The following LRRK2 variants were observed in gnomAD, a reference collection of about 807,000 sequenced individuals.
LRRK2 encodes leucine-rich repeat serine/threonine-protein kinase 2.
LRRK2 carries 203 observed loss-of-function variants against 302.6 expected under a neutral mutation model. The observed-to-expected ratio is 0.67, with a 90% CI of 0.60 to 0.75. LRRK2 has a LOEUF of 0.75. LRRK2 is among the 30% of genes least tolerant of loss of function. The probability of loss-of-function intolerance (pLI) is 0.00; values close to 1 mark genes in which losing one functional copy is unlikely to be tolerated. For synonymous variants in LRRK2, 1,066 were observed against 1,031.9 expected (o/e 1.03, Z -0.63); for missense variants, 2,830 against 2,951.0 (o/e 0.96, Z 0.95).
At chr12:40,312,696 T>C (rs1945074012) in intron 31 of LRRK2, 1 of 152,080 alleles carries the variant, frequency 6.6e-6, no homozygotes, top group Admixed American at 6.6e-5. Flanking sequence ...CTTTTAATCT[T>C]GTCCAGCCCA....
rs578189398 is a variant in LRRK2 at position 40,267,199 on chromosome 12, G to A, written c.1656+3298G>A. Among the ~76,000 whole-genome samples, 32 of 152,294 alleles carry A rather than the reference G, an allele frequency of 2.1e-4. No homozygotes were observed. In the South Asian group the frequency reaches 6.6e-3, roughly 32 times the overall value. On this transcript the variant is annotated intron_variant, in intron 14 of 50. Transcript: ENST00000298910. ...ACTGGAGATAGCTTTGCTTAAATGA[G>A]CTGGACTACAATGCAAATGCTGAAA...
chr12:40,283,755 T>C (rs1417329139), intron 18 of LRRK2, 120 bp from the exon 19 acceptor site: 1 of 827,472 alleles, frequency 1.2e-6, no homozygotes, highest in African/African-American at 1.7e-5. Flanking sequence ...TGCCTTATTT[T>C]ATTTTGTTTC....
At chr12:40,246,350 G>T (rs1277333054) in intron 7 of LRRK2, among the ~76,000 whole-genome samples, 2 of 151,696 alleles carry the variant, frequency 1.3e-5, no homozygotes, top group Non-Finnish European at 2.9e-5. Context: ...ATTTAACTTG[G>T]TCATTTATTA....
intron 35 of LRRK2, 22 bp downstream of exon 35, chr12:40,321,210 AT>A: frequency 6.2e-7 from 1 of 1,601,832 alleles, no homozygotes; most frequent in Non-Finnish European, 8.5e-7. Flanking sequence ...ATGAAGACTT[AT>A]TAGATTTTTA....
chr12:40,259,786 A>T (rs1942688256), intron 13 of LRRK2, among the ~76,000 whole-genome samples, 182 bp downstream of exon 13: 1 of 152,216 alleles, frequency 6.6e-6, no homozygotes, highest in African/African-American at 2.4e-5. Context: ...ATTAATTTTT[A>T]TAAGAAAGCA....
At chr12:40,346,155 A>G (rs796652070) in intron 41 of LRRK2, among the ~76,000 whole-genome samples, 6 of 151,942 alleles carry the variant, frequency 3.9e-5, no homozygotes, top group African/African-American at 1.2e-4. Flanking sequence ...TTCCCCTTAA[A>G]AGAATTTCAG....
Position 40,359,318 on chromosome 12 carries a change from T to C in LRRK2, c.6902T>C (p.Met2301Thr), listed in dbSNP as rs202177571. Residue 2301 changes from methionine to threonine, a missense_variant, in exon 47 of 51, where the codon ATG becomes ACG. By Grantham distance (81) the Met-to-Thr change is moderately conservative. Transcript: ENST00000298910. Reference protein sequence around the residue: ...LNIGNVSTPLMCLSESTNSTE... With the variant: ...LNIGNVSTPLTCLSESTNSTE... ...ATAGGAAATGTCAGTACTCCATTGATGTGTTTGAGTGAATCCACAAATTCA... is the reference window on the plus strand; with the variant it reads ...ATAGGAAATGTCAGTACTCCATTGACGTGTTTGAGTGAATCCACAAATTCA... 1.4e-5 allele frequency: 23 copies of C among 1,613,168 alleles called. No individual in the cohort carries two copies. Among genetic ancestry groups the C allele is most frequent in the South Asian group, 7.7e-5 (7 of 91,052 alleles).
At chr12:40,332,304 A>T (rs1009158227) in intron 39 of LRRK2, among the ~76,000 whole-genome samples, 11 of 152,154 alleles carry the variant, frequency 7.2e-5, no homozygotes, top group African/African-American at 2.7e-4. Context: ...AAGGAAGGGG[A>T]ATATACACTG....
chr12:40,334,772 G>C (rs1294061699), intron 39 of LRRK2, among the ~76,000 whole-genome samples, 195 bp from the exon 40 acceptor site: 3 of 152,060 alleles, frequency 2.0e-5, no homozygotes, highest in Non-Finnish European at 4.4e-5. Flanking sequence ...TTGTCCATAG[G>C]TCAACTGTAG....
chr12:40,232,381 C>G lies in LRRK2; in HGVS notation c.345C>G (p.His115Gln), dbSNP rs760150522. ...VGNDWEVLGV[H>Q]QLILKMLTVH... ...ATGATTGGGAAGTCCTTGGTGTTCA[C>G]CAGTAAGTATGATAGATATGTAAAA... Residue 115 changes from histidine (H) to glutamine (Q), a missense_variant and splice_region_variant, in exon 3 of 51, where the codon CAC (histidine) becomes CAG (glutamine). By Grantham distance (24) the His-to-Gln change is conservative. Around this residue, in one of 3 missense-constraint regions of LRRK2, gnomAD observed 2,121 missense variants for 2,148.0 expected, o/e 0.99. Transcript: ENST00000298910. 1.9e-6 allele frequency: 3 copies of G among 1,607,874 alleles called. No individual in the cohort carries two copies. In the South Asian group the frequency reaches 3.3e-5, roughly 18 times the overall value.
chr12:40,287,534 G>A lies in LRRK2; in HGVS notation c.2684G>A (p.Ser895Asn), dbSNP rs1943976732. The part of the protein sequence containing the change: ...SVFAQSDDLD[S>N]EGSEGSFLVK... ...TTTGCTCAAAGTGATGACCTGGATA[G>A]TGAAGGTATTTATTATAAAAAAAAA... is the stretch of plus-strand genomic sequence containing the variant. The change falls in exon 20 of 51, where the codon AGT (serine) becomes AAT (asparagine). Residue 895 changes from serine to asparagine, a missense_variant. Ser to Asn is a conservative substitution (Grantham distance 46). Transcript: ENST00000298910. 3 of 1,611,002 alleles carry A rather than the reference G, an allele frequency of 1.9e-6. No homozygotes were observed. In the South Asian group the frequency reaches 3.3e-5, roughly 18 times the overall value.
At position 40,367,667 on chromosome 12, in the gene LRRK2, T is replaced by C. The variant is rs1376660522; in HGVS notation, c.7486T>C (p.Trp2496Arg). The C allele has an allele frequency of 1.2e-6, 2 of 1,604,556 alleles. No individual in the cohort carries two copies. Among genetic ancestry groups the C allele is most frequent in the Non-Finnish European group, 1.7e-6 (2 of 1,174,496 alleles). Residue 2496 changes from tryptophan (W) to arginine (R), a missense_variant, in exon 51 of 51, where the codon TGG (tryptophan) becomes CGG (arginine). This residue lies in a region of LRRK2 where 456 missense variants were observed against 456.3 expected (regional missense o/e 1.00). Coordinates refer to ENST00000298910, the MANE Select transcript of LRRK2 (RefSeq NM_198578.4). ...AGAGATACAATCTTGCTTGACCGTTTGGGACATCAATCTTCCACATGAAGT... is the reference window on the plus strand; with the variant it reads ...AGAGATACAATCTTGCTTGACCGTTCGGGACATCAATCTTCCACATGAAGT... ...QKEIQSCLTV[W>R]DINLPHEVQN... is the part of the protein sequence containing the mutation.
chr12:40,331,473 C>T (rs1228285673), intron 39 of LRRK2, among the ~76,000 whole-genome samples: 1 of 152,090 alleles, frequency 6.6e-6, no homozygotes, highest in Non-Finnish European at 1.5e-5. Context: ...TAATCTGCTG[C>T]AGAGTATCTA....
chr12:40,362,451 A>G (rs1388544947), intron 47 of LRRK2, among the ~76,000 whole-genome samples: 2 of 152,036 alleles, frequency 1.3e-5, no homozygotes, highest in African/African-American at 2.4e-5. Context: ...GCTTGATTAT[A>G]TCAGAGGTGC....
At position 40,240,359 on chromosome 12, in the gene LRRK2, T is replaced by C. The variant is rs1261436521; in HGVS notation, c.572-124T>C. ...GAAGGGCTGCTTCACAGAAATATAT[T>C]TTTTATTTAAGGAGATTACACTTGA... is the stretch of plus-strand genomic sequence containing the variant. On this transcript the variant is annotated intron_variant, in intron 5 of 50. Coordinates refer to ENST00000298910, the MANE Select transcript of LRRK2 (RefSeq NM_198578.4). 1.8e-5 allele frequency: 15 copies of C among 854,652 alleles called. No homozygotes were observed. In the Admixed American group the frequency reaches 3.3e-4, roughly 19 times the overall value. 52.9% of individuals were successfully genotyped at this position (854,652 alleles called of 1,614,324 possible).
At position 40,264,021 on chromosome 12, in the gene LRRK2, CAT is replaced by C. The variant is rs1333551319; in HGVS notation, c.1656+121_1656+122del. 3 of 718,508 alleles carry C rather than the reference CAT, an allele frequency of 4.2e-6. No individual in the cohort carries two copies. In the African/African-American group the frequency reaches 5.3e-5, roughly 13 times the overall value. 44.5% of individuals were successfully genotyped at this position (718,508 alleles called of 1,614,324 possible). A position where few individuals can be genotyped will look rare whatever the true frequency, so the allele number is the denominator to read the frequency against. ...TCCGTTTGCTATGATAGGAGGAAGTCATGTGGTTAGAGACATAAGATGACAGT... is the reference window on the plus strand; with the variant it reads ...TCCGTTTGCTATGATAGGAGGAAGTCGTGGTTAGAGACATAAGATGACAGT... On this transcript the variant is annotated intron_variant, in intron 14 of 50. Coordinates refer to ENST00000298910, the MANE Select transcript of LRRK2 (RefSeq NM_198578.4).
In LRRK2 at chr12:40,334,999, C is replaced by T; in HGVS notation, c.5790C>T (p.Pro1930=). The change falls in exon 40 of 51, where the codon CCC becomes CCT. Residue 1930 remains proline (P), a synonymous_variant. Transcript: ENST00000298910. ...ELVVLCHLHH[P]SLISLLAAGI... Reference sequence around the variant, plus strand: ...TGGTGCTTTGCCACCTCCACCACCCCAGTTTGATATCTTTGCTGGCAGCTG... The same window carrying T: ...TGGTGCTTTGCCACCTCCACCACCCTAGTTTGATATCTTTGCTGGCAGCTG... 1 of 1,614,080 alleles carries T rather than the reference C, an allele frequency of 6.2e-7. No homozygotes were observed. The highest frequency in any genetic ancestry group is 8.5e-7 in the Non-Finnish European group (1 of 1,179,982).
chr12:40,359,397 T>C lies in LRRK2; in HGVS notation c.6981T>C (p.Ser2327=), dbSNP rs143032867. 1 of 1,613,340 alleles carries C rather than the reference T, an allele frequency of 6.2e-7. No individual in the cohort carries two copies. Among genetic ancestry groups the C allele is most frequent in the Non-Finnish European group, 8.5e-7 (1 of 1,179,610 alleles). Residue 2327 remains serine, a synonymous_variant, in exon 47 of 51, where the codon TCT becomes TCC. Coordinates refer to ENST00000298910, the MANE Select transcript of LRRK2 (RefSeq NM_198578.4). ...GTGGCACAAAGATTTTCTCCTTTTC[T>C]AATGATTTCACCATTCAGAAACTCA... is the stretch of plus-strand genomic sequence containing the variant. ...GGCGTKIFSF[S]NDFTIQKLIE... is the part of the protein sequence containing the mutation.
At chr12:40,238,159 G>T in intron 5 of LRRK2, 56 bp downstream of exon 5, 1 of 1,520,778 alleles carries the variant, frequency 6.6e-7, no homozygotes, top group South Asian at 1.2e-5. Context: ...GGCTTATACT[G>T]GGAAAAGTAG....
Sources: allele counts gnomAD v4.1 joint callset (sites outside exome capture counted in the v4.1 genomes callset), GRCh38; gene constraint gnomAD v4.1.1; regional missense constraint gnomAD v4.1.1; transcripts MANE v1.5; gene names NCBI Gene and HGNC (gene_info 2026-07-23, HGNC 2026-07-21).